Variants in PADI6 observed in about 807,000 individuals in gnomAD.
PADI6 encodes inactive protein-arginine deiminase type-6.
PADI6 carries 66 observed loss-of-function variants against 78.2 expected under a neutral mutation model. That is an observed-to-expected ratio of 0.84 (90% CI 0.69 to 1.04). The LOEUF is 1.04. Among genes scored for constraint, PADI6 ranks in the 50% least tolerant of loss-of-function variants. The probability of loss-of-function intolerance (pLI) is 0.00; values close to 1 mark genes in which losing one functional copy is unlikely to be tolerated. For missense variants in PADI6, 854 were observed against 866.1 expected, an observed-to-expected ratio of 0.99 and a Z score of 0.18; for synonymous variants, 397 against 346.9, an observed-to-expected ratio of 1.14 and a Z score of -1.60.
intron 2 of PADI6, 144 bp from the exon 3 acceptor site, chr1:17,375,283 C>G (rs2075004054): frequency 1.4e-6 from 1 of 719,872 alleles, no homozygotes; most frequent in African/African-American, 1.8e-5. Flanking sequence ...AGGGCTGTGG[C>G]CCCATACCAG....
intron 2 of PADI6, 149 bp from the exon 3 acceptor site, chr1:17,375,278 T>C (rs2075004024): frequency 2.9e-6 from 2 of 696,852 alleles, no homozygotes; most frequent in Admixed American, 4.9e-5. Context: ...AGCGCAGGGC[T>C]GTGGCCCCAT....
rs373122042 is a variant in PADI6 at position 17,399,029 on chromosome 1, C to G, written c.1851+182C>G. On this transcript the variant is annotated intron_variant, in intron 15 of 15. Coordinates refer to ENST00000619609, the MANE Select transcript of PADI6 (RefSeq NM_207421.4). ...ACGCCCCACCCAGAGAGCAAGTGTA[C>G]AGGGCCTGAAGGCTTGGAGGTTCCC... 3.3e-3 allele frequency among the ~76,000 whole-genome samples: 502 copies of G among 152,214 alleles called. 2 individuals are homozygous for G. The highest frequency in any genetic ancestry group is 6.0e-3 in the Non-Finnish European group (411 of 68,006).
chr1:17,394,863 C>T (rs2075229539), intron 11 of PADI6, 88 bp from the exon 12 acceptor site: 1 of 1,439,302 alleles, frequency 6.9e-7, no homozygotes, highest in South Asian at 1.4e-5. Context: ...CAGAGGCCAG[C>T]TCCCTGGAGG....
intron 8 of PADI6, among the ~76,000 whole-genome samples, 190 bp from the exon 9 acceptor site, chr1:17,391,924 G>A (rs573631505): frequency 3.3e-4 from 51 of 152,376 alleles, no homozygotes; most frequent in African/African-American, 1.2e-3. Flanking sequence ...GCTGAGTAGT[G>A]TCAGACAAGA....
chr1:17,379,133 A>G (rs1211389), intron 3 of PADI6, among the ~76,000 whole-genome samples: 24,504 of 76,034 alleles, frequency 0.32, 3,215 homozygotes, highest in African/African-American at 0.51. Context: ...TTTTTTTTTT[A>G]AGACGGAGTC....
chr1:17,400,246 T>C (rs1034102562), intron 15 of PADI6, among the ~76,000 whole-genome samples: 1 of 149,230 alleles, frequency 6.7e-6, no homozygotes, highest in Non-Finnish European at 1.5e-5. Flanking sequence ...GGGCGTGGTG[T>C]CTTACACCTG....
chr1:17,387,988 C>T (rs1201397291), intron 6 of PADI6, among the ~76,000 whole-genome samples: 2 of 152,156 alleles, frequency 1.3e-5, no homozygotes, highest in African/African-American at 2.4e-5. Flanking sequence ...TCAGATGAGG[C>T]TGCTGAGCCC....
chr1:17,398,392 C>A (rs908367169), intron 14 of PADI6, among the ~76,000 whole-genome samples: 2 of 152,080 alleles, frequency 1.3e-5, no homozygotes, highest in African/African-American at 2.4e-5. Context: ...TAGGGAGATG[C>A]CTGGGTATTG....
At chr1:17,383,830 AAAT>A (rs1383449661) in intron 6 of PADI6, among the ~76,000 whole-genome samples, 1 of 151,750 alleles carries the variant, frequency 6.6e-6, no homozygotes, top group African/African-American at 2.4e-5. Context: ...AGACTCAAAA[AAAT>A]AATTTTTTTA....
chr1:17,395,192 T>G, intron 12 of PADI6, 85 bp downstream of exon 12: 1 of 1,414,066 alleles, frequency 7.1e-7, no homozygotes, highest in Non-Finnish European at 9.3e-7. Context: ...AAAACTGGCT[T>G]TTTCTTGTTT....
At position 17,381,236 on chromosome 1, in the gene PADI6, C is replaced by T. The variant is rs2075069497; in HGVS notation, c.553+72C>T. 1.9e-5 allele frequency: 25 copies of T among 1,329,286 alleles called. 1 individual carries two copies. The highest frequency in any genetic ancestry group is 1.5e-4 in the South Asian group (11 of 74,696). 82.3% of individuals were successfully genotyped at this position (1,329,286 alleles called of 1,614,324 possible). On this transcript the variant is annotated intron_variant, in intron 5 of 15. Coordinates refer to ENST00000619609, the MANE Select transcript of PADI6 (RefSeq NM_207421.4). ...GCCCTGCTTCTCAGCAAATGGATTC[C>T]AGACTAATTTTCTCCACCCCACCCC...
rs1193325240 is a variant in PADI6, at chr1:17,401,487, G to A, written c.*49G>A. 6.7e-7 allele frequency: 1 copy of A among 1,487,084 alleles called. No individual in the cohort carries two copies. Among genetic ancestry groups the A allele is most frequent in the Non-Finnish European group, 9.3e-7 (1 of 1,075,640 alleles). The allele number at this position is 1,487,084 out of a possible 1,614,324, so 92.1% of individuals were successfully genotyped here. On this transcript the variant is annotated 3_prime_UTR_variant, in exon 16 of 16. Coordinates refer to ENST00000619609, the MANE Select transcript of PADI6 (RefSeq NM_207421.4). ...TCTGCCCCAGCGTGGATGGCCCACTGTCACCATGCAACAGCATGATTCTTT... is the reference window on the plus strand; with the variant it reads ...TCTGCCCCAGCGTGGATGGCCCACTATCACCATGCAACAGCATGATTCTTT...
chr1:17,395,298 G>A (rs1557608601), intron 12 of PADI6, among the ~76,000 whole-genome samples, 191 bp downstream of exon 12: 1 of 151,808 alleles, frequency 6.6e-6, no homozygotes, highest in South Asian at 2.1e-4. Flanking sequence ...CTGCCTCCCG[G>A]ACTCAAGCAA....
At chr1:17,388,312 C>T in intron 6 of PADI6, 69 bp from the exon 7 acceptor site, 1 of 1,403,416 alleles carries the variant, frequency 7.1e-7, no homozygotes, top group South Asian at 1.4e-5. Context: ...TGAGCTGGTA[C>T]CTTGACCATC....
chr1:17,376,428 T>C (rs1369990811), intron 3 of PADI6, among the ~76,000 whole-genome samples: 3 of 152,054 alleles, frequency 2.0e-5, no homozygotes, highest in East Asian at 1.9e-4. Flanking sequence ...GCCTCCCGAG[T>C]AGCTGGGACT....
At chr1:17,386,700 C>T (rs919519971) in intron 6 of PADI6, among the ~76,000 whole-genome samples, 1 of 152,136 alleles carries the variant, frequency 6.6e-6, no homozygotes, top group Admixed American at 6.5e-5. Flanking sequence ...AGTTCCCTCA[C>T]AGCCAGCAGC....
At chr1:17,383,174 C>T (rs2075089196) in intron 6 of PADI6, among the ~76,000 whole-genome samples, 4 of 152,194 alleles carry the variant, frequency 2.6e-5, no homozygotes, top group Admixed American at 2.6e-4. Flanking sequence ...TCTCAGAGGG[C>T]ACCATCTTTG....
intron 15 of PADI6, among the ~76,000 whole-genome samples, chr1:17,400,976 G>A (rs2075296140): frequency 1.3e-5 from 2 of 152,222 alleles, no homozygotes; most frequent in South Asian, 2.1e-4. Flanking sequence ...TAATCGAAAC[G>A]TAGAAACTAG....
In PADI6 at chr1:17,373,058, G is replaced by A. The variant is rs1195890698; in HGVS notation, c.119G>A (p.Cys40Tyr). Residue 40 changes from cysteine to tyrosine, a missense_variant and splice_region_variant, in exon 2 of 16, where the codon TGT (cysteine) becomes TAT (tyrosine). Coordinates refer to ENST00000619609, the MANE Select transcript of PADI6 (RefSeq NM_207421.4). ...GTGTCTCTTACCGGGCAAACCAGGTGTGCCCCCCAGAAGTGCCAGTGCTTC... is the reference window on the plus strand; with the variant it reads ...GTGTCTCTTACCGGGCAAACCAGGTATGCCCCCCAGAAGTGCCAGTGCTTC... ...GTEICLDLSG[C>Y]APQKCQCFTI... 6.2e-7 allele frequency: 1 copy of A among 1,613,222 alleles called. No homozygotes were observed. The highest frequency in any genetic ancestry group is 2.2e-5 in the East Asian group (1 of 44,858).
Sources: gnomAD v4.1 joint callset for allele counts (sites outside exome capture counted in the v4.1 genomes callset) on GRCh38, gnomAD v4.1.1 for gene constraint, MANE v1.5 for transcripts, NCBI Gene and HGNC (gene_info 2026-07-23, HGNC 2026-07-21) for gene names.